Variants in CYP4F12 observed in about 807,000 individuals in gnomAD.
The protein encoded by CYP4F12 is cytochrome P450 family 4 subfamily F member 12.
Under a neutral mutation model 56.5 loss-of-function variants are expected in CYP4F12, and 60 were observed. The ratio of observed to expected loss-of-function variants is 1.06; its 90% CI spans 0.86 to 1.32. The LOEUF is 1.32. Ranked by LOEUF, CYP4F12 falls within the 40% of genes most tolerant of loss-of-function variation. The probability of loss-of-function intolerance (pLI) is 0.00; values close to 1 mark genes in which losing one functional copy is unlikely to be tolerated. For missense variants in CYP4F12, 711 were observed against 683.5 expected, an observed-to-expected ratio of 1.04 and a Z score of -0.45; for synonymous variants, 263 against 264.9, an observed-to-expected ratio of 0.99 and a Z score of 0.07.
Position 15,683,663 on chromosome 19 carries a change from A to G in CYP4F12, c.818A>G (p.Glu273Gly), listed in dbSNP as rs1297034254. 6.2e-7 allele frequency: 1 copy of G among 1,613,826 alleles called. No homozygotes were observed. The highest frequency in any genetic ancestry group is 8.5e-7 in the Non-Finnish European group (1 of 1,179,864). ...VHDFTDAVIR[E>G]RRRTLPTQGI... ...GACTTCACAGACGCTGTCATCCGGG[A>G]GCGGCGTCGCACCCTCCCCACTCAG... Residue 273 changes from glutamate (E) to glycine (G), a missense_variant, in exon 7 of 13, where the codon GAG becomes GGG. By Grantham distance (98) the Glu-to-Gly change is moderately conservative (BLOSUM62 -2). Transcript: ENST00000550308.
rs1599951332 is a variant in CYP4F12 at position 15,678,544 on chromosome 19, C to T, written c.343+139C>T. On this transcript the variant is annotated intron_variant, in intron 3 of 12. Transcript: ENST00000550308. ...TGTCTTCTCCCTCCATTGCCATCTG[C>T]TCCCTGTCTTGGTGTTCTGGGCACC... is the stretch of plus-strand genomic sequence containing the variant. The T allele has an allele frequency of 2.5e-6, 3 of 1,213,038 alleles. No homozygotes were observed. The East Asian group carries it at 7.3e-5, about 29-fold the overall frequency. 75.1% of individuals were successfully genotyped at this position (1,213,038 alleles called of 1,614,324 possible). A position where few individuals can be genotyped will look rare whatever the true frequency, so the allele number is the denominator to read the frequency against.
intron 3 of CYP4F12, 177 bp downstream of exon 3, chr19:15,678,582 A>G: frequency 1.2e-6 from 1 of 849,042 alleles, no homozygotes; most frequent in Non-Finnish European, 1.8e-6. Context: ...TGGGGCTCCA[A>G]GAGGCCTCAA....
At position 15,697,123 on chromosome 19, in the gene CYP4F12, A is replaced by T. The variant is rs757481432; in HGVS notation, c.*38A>T. 2 of 1,592,218 alleles carry T rather than the reference A, an allele frequency of 1.3e-6. No homozygotes were observed. The highest frequency in any genetic ancestry group is 1.7e-6 in the Non-Finnish European group (2 of 1,165,240). On this transcript the variant is annotated 3_prime_UTR_variant, in exon 13 of 13. Coordinates refer to ENST00000550308, the MANE Select transcript of CYP4F12 (RefSeq NM_023944.4). ...TCCACCTGTTTTTTTGCAGATTGTC[A>T]TGAATAAAACGGTGCTGTCACCTCT... is the stretch of plus-strand genomic sequence containing the variant.
chr19:15,675,310 A>G, intron 2 of CYP4F12, among the ~76,000 whole-genome samples: 1 of 150,208 alleles, frequency 6.7e-6, no homozygotes, highest in Non-Finnish European at 1.5e-5. Context: ...GGTGCACAGG[A>G]GGCACTAGCA....
intron 2 of CYP4F12, among the ~76,000 whole-genome samples, chr19:15,676,283 A>T (rs1029190443): frequency 6.6e-5 from 10 of 151,780 alleles, no homozygotes; most frequent in African/African-American, 2.4e-4. Context: ...CGGCTCACTC[A>T]TTCCTCTCCT....
rs564544847 is a variant in CYP4F12, at chr19:15,693,713, T to C, written c.1116-2223T>C. 9.9e-5 allele frequency among the ~76,000 whole-genome samples: 15 copies of C among 151,180 alleles called. 2 individuals are homozygous for C. The South Asian group carries it at 2.9e-3, about 30-fold the overall frequency. On this transcript the variant is annotated intron_variant, in intron 9 of 12. Transcript: ENST00000550308. ...TTTAATTAGATCCCATTTGTCAATTTTGGCTTTTGTTGCCATTGCTTTTGG... is the reference window on the plus strand; with the variant it reads ...TTTAATTAGATCCCATTTGTCAATTCTGGCTTTTGTTGCCATTGCTTTTGG...
chr19:15,696,764 A>T (rs945778062), intron 12 of CYP4F12, 144 bp from the exon 13 acceptor site: 1 of 1,189,184 alleles, frequency 8.4e-7, no homozygotes, highest in South Asian at 1.6e-5. Flanking sequence ...ACAAGCCCAC[A>T]TGGGAGTCCC....
chr19:15,693,523 A>T (rs2007974547), intron 9 of CYP4F12, among the ~76,000 whole-genome samples: 1 of 82,986 alleles, frequency 1.2e-5, no homozygotes, highest in Non-Finnish European at 2.4e-5. Flanking sequence ...TCCTTCGCCC[A>T]CTTTTTGATG....
chr19:15,686,292 G>A (rs1216532481), intron 9 of CYP4F12, among the ~76,000 whole-genome samples: 2 of 152,166 alleles, frequency 1.3e-5, no homozygotes, highest in Non-Finnish European at 2.9e-5. Flanking sequence ...TTCTAAAAAA[G>A]TAAAAAACCA....
chr19:15,678,494 C>G, intron 3 of CYP4F12, 89 bp downstream of exon 3: 2 of 1,501,222 alleles, frequency 1.3e-6, no homozygotes, highest in Non-Finnish European at 1.8e-6. Context: ...AGTACTCGTG[C>G]CCCTCATTGA....
chr19:15,678,017 C>T (rs1239540987), intron 2 of CYP4F12, among the ~76,000 whole-genome samples: 1 of 150,786 alleles, frequency 6.6e-6, no homozygotes, highest in Admixed American at 6.6e-5. Flanking sequence ...TCTCCTCACT[C>T]ACTCCTTCCT....
chr19:15,680,506 C>T lies in CYP4F12; in HGVS notation c.512C>T (p.Ala171Val). ...KSYITIFNKSANIMLDKWQHL... is the reference protein window; with the variant it reads ...KSYITIFNKSVNIMLDKWQHL... ...TATATAACGATCTTCAACAAGAGTG[C>T]AAACATCATGCTTGTGAGTCCCTTG... The change falls in exon 5 of 13, where the codon GCA (alanine) becomes GTA (valine). Residue 171 changes from alanine (A) to valine (V), a missense_variant. Coordinates refer to ENST00000550308, the MANE Select transcript of CYP4F12 (RefSeq NM_023944.4). 1 of 1,614,176 alleles carries T rather than the reference C, an allele frequency of 6.2e-7. No individual in the cohort carries two copies.
At chr19:15,677,147 C>A (rs111220041) in intron 2 of CYP4F12, among the ~76,000 whole-genome samples, 2 of 103,840 alleles carry the variant, frequency 1.9e-5, no homozygotes, top group African/African-American at 3.4e-5. Flanking sequence ...TCACTCATTC[C>A]TCTACCCACA....
intron 12 of CYP4F12, 26 bp from the exon 13 acceptor site, chr19:15,696,882 G>A: frequency 6.3e-7 from 1 of 1,596,312 alleles, no homozygotes; most frequent in Non-Finnish European, 8.5e-7. Flanking sequence ...CTTGGGCACA[G>A]TCACAGTCCC....
At chr19:15,695,696 C>T (rs1227681337) in intron 9 of CYP4F12, among the ~76,000 whole-genome samples, 4 of 151,938 alleles carry the variant, frequency 2.6e-5, no homozygotes, top group South Asian at 4.2e-4. Flanking sequence ...AATTTTTTAC[C>T]GCTGGCTTCT....
At chr19:15,686,179 C>A (rs995599322) in intron 9 of CYP4F12, among the ~76,000 whole-genome samples, 1 of 152,178 alleles carries the variant, frequency 6.6e-6, no homozygotes, top group East Asian at 1.9e-4. Context: ...CAAGCCAGAT[C>A]TGGTGGCTGT....
chr19:15,684,948 G>A (rs933695351), intron 8 of CYP4F12, 66 bp downstream of exon 8: 37 of 1,566,952 alleles, frequency 2.4e-5, no homozygotes, highest in Middle Eastern at 1.7e-4. Context: ...CCGGGTGGGT[G>A]GACCCTGGAT....
intron 2 of CYP4F12, among the ~76,000 whole-genome samples, chr19:15,677,129 A>C (rs62640402): frequency 0.84 from 13,008 of 15,534 alleles, 5,712 homozygotes; most frequent in East Asian, 0.97. Context: ...ACTCATTCAT[A>C]TCCTCACTCA....
chr19:15,682,300 T>C, intron 5 of CYP4F12, 89 bp from the exon 6 acceptor site: 2 of 1,547,232 alleles, frequency 1.3e-6, no homozygotes, highest in Non-Finnish European at 1.8e-6. Context: ...GGAGGCTGGT[T>C]GTGGGGGAGT....
Sources: allele counts gnomAD v4.1 joint callset (sites outside exome capture counted in the v4.1 genomes callset), GRCh38; gene constraint gnomAD v4.1.1; transcripts MANE v1.5; gene names NCBI Gene and HGNC (gene_info 2026-07-23, HGNC 2026-07-21).